The following SEMA5B variants were observed in gnomAD, a reference collection of about 807,000 sequenced individuals.
The protein encoded by SEMA5B is semaphorin 5B.
In SEMA5B, 66 loss-of-function variants were observed where a neutral mutation model predicts 135.0. The observed-to-expected ratio is 0.49, with a 90% confidence interval of 0.40 to 0.60. The LOEUF is 0.60. SEMA5B is among the 20% of genes least tolerant of loss of function. The pLI is 0.00. For missense variants in SEMA5B, 1,501 were observed against 1,566.3 expected, an observed-to-expected ratio of 0.96 and a Z score of 0.70; for synonymous variants, 690 against 639.5, an observed-to-expected ratio of 1.08 and a Z score of -1.19.
chr3:122,944,748 G>T (rs770259361), intron 3 of SEMA5B, among the ~76,000 whole-genome samples: 4 of 152,250 alleles, frequency 2.6e-5, no homozygotes, highest in East Asian at 3.9e-4. Flanking sequence ...CAGCTGACTC[G>T]CCCGGTTTCC....
intron 1 of SEMA5B, among the ~76,000 whole-genome samples, chr3:123,004,590 C>T (rs1942259221): frequency 2.6e-5 from 4 of 152,230 alleles, no homozygotes. Context: ...AGAGGCCAAT[C>T]TAAAGTGTGT....
chr3:122,993,949 C>T (rs1196338379), intron 1 of SEMA5B, among the ~76,000 whole-genome samples: 1 of 152,106 alleles, frequency 6.6e-6, no homozygotes, highest in Non-Finnish European at 1.5e-5. Context: ...GGCCCCCCCA[C>T]CTCAAGCCCA....
Position 122,923,599 on chromosome 3 carries a change from G to C in SEMA5B, c.1272+18C>G. 6.2e-7 allele frequency: 1 copy of C among 1,613,838 alleles called. No individual in the cohort carries two copies. Among genetic ancestry groups the C allele is most frequent in the East Asian group, 2.2e-5 (1 of 44,884 alleles). On this transcript the variant is annotated intron_variant, in intron 10 of 22. Transcript: ENST00000357599. ...AAGGCAGTGTGTGAAGACAGGGAAA[G>C]AGGAGGAGATTCTGTACCTGGAAAT...
chr3:122,923,225 A>C (rs1298018884), intron 10 of SEMA5B, among the ~76,000 whole-genome samples: 6 of 152,158 alleles, frequency 3.9e-5, no homozygotes, highest in African/African-American at 1.4e-4. Flanking sequence ...CCTAGCACTG[A>C]CCACTTCCAG....
At chr3:122,955,410 TAC>T (rs1289068662) in intron 2 of SEMA5B, among the ~76,000 whole-genome samples, 1 of 152,244 alleles carries the variant, frequency 6.6e-6, no homozygotes, top group Non-Finnish European at 1.5e-5. Flanking sequence ...TAGCGAATAA[TAC>T]AGTCTCAACT....
At chr3:122,960,998 A>T in intron 2 of SEMA5B, 142 bp downstream of exon 2, 1 of 864,912 alleles carries the variant, frequency 1.2e-6, no homozygotes, top group African/African-American at 1.7e-5. Context: ...CACAATTTTT[A>T]AAAAGGAAGA....
intron 1 of SEMA5B, among the ~76,000 whole-genome samples, chr3:122,982,690 A>C (rs1576388968): frequency 6.7e-6 from 1 of 149,224 alleles, no homozygotes; most frequent in African/African-American, 2.5e-5. Flanking sequence ...TTCATGCACC[A>C]CCCCCCACCC....
intron 1 of SEMA5B, among the ~76,000 whole-genome samples, chr3:122,979,385 A>T (rs758720437): frequency 7.9e-5 from 12 of 152,284 alleles, no homozygotes; most frequent in Non-Finnish European, 1.0e-4. Flanking sequence ...ACACTTTCAC[A>T]TCCTCCCAAC....
intron 2 of SEMA5B, among the ~76,000 whole-genome samples, chr3:122,952,070 C>T (rs113434702): frequency 7.2e-5 from 11 of 152,348 alleles, no homozygotes; most frequent in African/African-American, 2.4e-4. Flanking sequence ...TTAGGACCCA[C>T]AGCACCTTTT....
intron 1 of SEMA5B, among the ~76,000 whole-genome samples, chr3:123,017,283 A>G (rs780030254): frequency 6.6e-6 from 1 of 151,392 alleles, no homozygotes. Flanking sequence ...TTCTAGGATT[A>G]TTAAGTAATG....
chr3:122,967,807 C>A (rs1367966438), intron 1 of SEMA5B, among the ~76,000 whole-genome samples: 1 of 152,236 alleles, frequency 6.6e-6, no homozygotes, highest in Non-Finnish European at 1.5e-5. Context: ...CTGAGATAGG[C>A]CCTTAGGCCC....
In SEMA5B at chr3:123,011,206, C is replaced by T. The variant is rs747411774; in HGVS notation, c.-39+16258G>A. Among the ~76,000 whole-genome samples the T allele has an allele frequency of 1.2e-4, 19 of 152,124 alleles. No individual in the cohort carries two copies. In the East Asian group the frequency reaches 1.3e-3, roughly 11 times the overall value. ...GAATGGACAGAGTGTGTCTTGGGGT[C>T]GAAGACTTAGCAACCAGAGCCTTGG... On this transcript the variant is annotated intron_variant, in intron 1 of 22. Coordinates refer to ENST00000357599, the MANE Select transcript of SEMA5B (RefSeq NM_001031702.4).
At chr3:123,004,790 G>T (rs1357792528) in intron 1 of SEMA5B, among the ~76,000 whole-genome samples, 1 of 152,164 alleles carries the variant, frequency 6.6e-6, no homozygotes, top group Non-Finnish European at 1.5e-5. Context: ...TTTGGATTAG[G>T]ATGTTGCTCT....
At chr3:122,952,928 C>T (rs1406913448) in intron 2 of SEMA5B, among the ~76,000 whole-genome samples, 1 of 152,164 alleles carries the variant, frequency 6.6e-6, no homozygotes, top group Non-Finnish European at 1.5e-5. Flanking sequence ...GGTGGTGCCG[C>T]CTCCTTGCTT....
chr3:122,994,612 TAG>T (rs1941980996), intron 1 of SEMA5B, among the ~76,000 whole-genome samples: 1 of 152,140 alleles, frequency 6.6e-6, no homozygotes, highest in Non-Finnish European at 1.5e-5. Flanking sequence ...TGTGCCACCC[TAG>T]TCCTAAGGGT....
chr3:122,933,504 G>A (rs1038529288), intron 5 of SEMA5B, among the ~76,000 whole-genome samples: 1 of 151,936 alleles, frequency 6.6e-6, no homozygotes, highest in Non-Finnish European at 1.5e-5. Flanking sequence ...CTTAATAACA[G>A]TGTCCTGAAT....
At chr3:123,008,154 T>A (rs933995304) in intron 1 of SEMA5B, among the ~76,000 whole-genome samples, 5 of 152,216 alleles carry the variant, frequency 3.3e-5, no homozygotes, top group African/African-American at 1.2e-4. Flanking sequence ...ACACCATAAC[T>A]TTTGGAGTTA....
chr3:123,011,268 A>T (rs1438841544), intron 1 of SEMA5B, among the ~76,000 whole-genome samples: 1 of 152,236 alleles, frequency 6.6e-6, no homozygotes, highest in Non-Finnish European at 1.5e-5. Context: ...AGCTCTTGGG[A>T]TGGCCCCCTG....
At chr3:122,915,006 G>A (rs773478701) in intron 14 of SEMA5B, among the ~76,000 whole-genome samples, 8 of 152,138 alleles carry the variant, frequency 5.3e-5, no homozygotes, top group Non-Finnish European at 8.8e-5. Flanking sequence ...AACAACTCTT[G>A]GGTGGGTACT....
Sources: allele counts gnomAD v4.1 joint callset (sites outside exome capture counted in the v4.1 genomes callset), GRCh38; gene constraint gnomAD v4.1.1; transcripts MANE v1.5; gene names NCBI Gene and HGNC (gene_info 2026-07-23, HGNC 2026-07-21).